AP5S1: variants seen among roughly 807,000 people sequenced by gnomAD.
AP5S1 encodes adaptor related protein complex 5 subunit sigma 1.
Under a neutral mutation model 13.9 loss-of-function variants are expected in AP5S1, and 13 were observed. That is an observed-to-expected ratio of 0.94 (90% confidence interval 0.61 to 1.49). AP5S1 has a LOEUF of 1.49. Among genes scored for constraint, AP5S1 ranks in the 40% most tolerant of loss-of-function variants. The pLI is 0.00. For missense variants in AP5S1, 292 were observed against 272.3 expected (o/e 1.07, Z -0.51); for synonymous variants, 132 against 121.8 (o/e 1.08, Z -0.55).
In AP5S1 at chr20:3,820,850, C is replaced by A. The variant is rs980326245; in HGVS notation, c.-17+92C>A. The A allele has an allele frequency of 3.9e-5, 6 of 152,376 alleles. No individual in the cohort carries two copies. In the South Asian group the frequency reaches 1.2e-3, roughly 32 times the overall value. 9.4% of individuals were successfully genotyped at this position (152,376 alleles called of 1,614,324 possible). Reference sequence around the variant, plus strand: ...CGCTCTGCTGGCGGCTGGAGGGTTGCGGAGGTCAGCAATTGGGTGCTGGGC... The same window carrying A: ...CGCTCTGCTGGCGGCTGGAGGGTTGAGGAGGTCAGCAATTGGGTGCTGGGC... On this transcript the variant is annotated intron_variant, in intron 1 of 2. Transcript: ENST00000615891.
chr20:3,827,152 C>G lies in AP5S1; in HGVS notation c.*2855C>G, dbSNP rs967085643. 1.3e-5 allele frequency: 2 copies of G among 152,230 alleles called. No homozygotes were observed. The highest frequency in any genetic ancestry group is 1.3e-4 in the Admixed American group (2 of 15,272). 9.4% of individuals were successfully genotyped at this position (152,230 alleles called of 1,614,324 possible). ...TGAGAGAACTAGAGACTTTGAGCAG[C>G]TAGTAGTGTTACCAGTGTACCTCCA... is the stretch of plus-strand genomic sequence containing the variant. On this transcript the variant is annotated 3_prime_UTR_variant, in exon 3 of 3. Coordinates refer to ENST00000615891, the MANE Select transcript of AP5S1 (RefSeq NM_018347.3).
rs374677076 is a variant in AP5S1 at position 3,822,155 on chromosome 20, C to T, written c.38C>T (p.Pro13Leu). ...TTCCTCATTCACACCTTGAGGGCCCCGAATACTGAGGACACGGGCCTTTGC... is the reference window on the plus strand; with the variant it reads ...TTCCTCATTCACACCTTGAGGGCCCTGAATACTGAGGACACGGGCCTTTGC... ...HAFLIHTLRA[P>L]NTEDTGLCRV... is the part of the protein sequence containing the mutation. The change falls in exon 2 of 3, where the codon CCG becomes CTG. Residue 13 changes from proline (P) to leucine (L), a missense_variant. Pro to Leu is a moderately conservative substitution (Grantham distance 98). Coordinates refer to ENST00000615891, the MANE Select transcript of AP5S1 (RefSeq NM_018347.3). 14 of 1,613,904 alleles carry T rather than the reference C, an allele frequency of 8.7e-6. No individual in the cohort carries two copies. Among genetic ancestry groups the T allele is most frequent in the African/African-American group, 2.7e-5 (2 of 74,900 alleles).
At position 3,824,529 on chromosome 20, in the gene AP5S1, C is replaced by T. The variant is rs1394509163; in HGVS notation, c.*232C>T. 24 of 567,966 alleles carry T rather than the reference C, an allele frequency of 4.2e-5. No homozygotes were observed. The highest frequency in any genetic ancestry group is 6.4e-5 in the Admixed American group (2 of 31,314). 35.2% of individuals were successfully genotyped at this position (567,966 alleles called of 1,614,324 possible). ...CCTAGAGCTGCTGTGTTACTTAGAC[C>T]GCTGCCGTGCGGCAGCCACGCTTGT... On this transcript the variant is annotated 3_prime_UTR_variant, in exon 3 of 3. Coordinates refer to ENST00000615891, the MANE Select transcript of AP5S1 (RefSeq NM_018347.3).
At chr20:3,821,628 A>T (rs766588433) in intron 1 of AP5S1, among the ~76,000 whole-genome samples, 6 of 151,694 alleles carry the variant, frequency 4.0e-5, no homozygotes, top group Non-Finnish European at 5.9e-5. Context: ...AGACCTCCCA[A>T]GGTGCTGGGA....
Position 3,821,645 on chromosome 20 carries a change from G to A in AP5S1, c.-16-457G>A, listed in dbSNP as rs1020917350. Among the ~76,000 whole-genome samples the A allele has an allele frequency of 3.3e-5, 5 of 152,070 alleles. No individual in the cohort carries two copies. The South Asian group carries it at 8.3e-4, about 25-fold the overall frequency. Reference sequence around the variant, plus strand: ...ACCTCCCAAGGTGCTGGGATTACAGGCGTGAGTCACCACACCTGGCCCAAA... The same window carrying A: ...ACCTCCCAAGGTGCTGGGATTACAGACGTGAGTCACCACACCTGGCCCAAA... On this transcript the variant is annotated intron_variant, in intron 1 of 2. Coordinates refer to ENST00000615891, the MANE Select transcript of AP5S1 (RefSeq NM_018347.3).
rs2146732915 is a variant in AP5S1 at position 3,824,263 on chromosome 20, T to C, written c.569T>C (p.Leu190Pro). Residue 190 changes from leucine to proline, a missense_variant, in exon 3 of 3, where the codon CTG becomes CCG. Coordinates refer to ENST00000615891, the MANE Select transcript of AP5S1 (RefSeq NM_018347.3). The part of the protein sequence containing the change: ...LFLNDQFVQG[L>P]EKEFSAAWPR The stretch of plus-strand genomic sequence containing the variant: ...CTCAACGACCAGTTTGTCCAAGGCC[T>C]GGAGAAGGAATTCAGTGCCGCTTGG... 6.2e-7 allele frequency: 1 copy of C among 1,614,040 alleles called. No individual in the cohort carries two copies. The highest frequency in any genetic ancestry group is 2.2e-5 in the East Asian group (1 of 44,878).
chr20:3,821,878 C>CTTTTTTTT (rs760765518), intron 1 of AP5S1: 2 of 679,964 alleles, frequency 2.9e-6, no homozygotes, highest in Admixed American at 7.2e-5. Context: ...TTTCTTTTTT[C>CTTTTTTTT]TTTTTTTTTT....
Position 3,823,512 on chromosome 20 carries a change from A to G in AP5S1, c.177-359A>G, listed in dbSNP as rs992096520. ...GTGATCCGCCCGCCTCGGCCTCCCA[A>G]AGTGCTGGGATTACAGGCTTGAGCC... On this transcript the variant is annotated intron_variant, in intron 2 of 2. Coordinates refer to ENST00000615891, the MANE Select transcript of AP5S1 (RefSeq NM_018347.3). The G allele has an allele frequency of 1.3e-5, 13 of 983,132 alleles. No homozygotes were observed. The African/African-American group carries it at 2.3e-4, about 17-fold the overall frequency. 60.9% of individuals were successfully genotyped at this position (983,132 alleles called of 1,614,324 possible).
Position 3,827,092 on chromosome 20 carries a change from G to A in AP5S1, c.*2795G>A, listed in dbSNP as rs1198623491. On this transcript the variant is annotated 3_prime_UTR_variant, in exon 3 of 3. Transcript: ENST00000615891. ...TCTTCCCTTTCTTCTCCCTGCCCCA[G>A]GAACCCTGGCCAAACCACATATCCC... 2 of 152,234 alleles carry A rather than the reference G, an allele frequency of 1.3e-5. No individual in the cohort carries two copies. Among genetic ancestry groups the A allele is most frequent in the East Asian group, 1.9e-4 (1 of 5,196 alleles). The allele number at this position is 152,234 out of a possible 1,614,324, so 9.4% of individuals were successfully genotyped here. A position where few individuals can be genotyped will look rare whatever the true frequency, so the allele number is the denominator to read the frequency against.
Position 3,824,385 on chromosome 20 carries a change from T to G in AP5S1, c.*88T>G, listed in dbSNP as rs1252559332. 2 of 1,314,236 alleles carry G rather than the reference T, an allele frequency of 1.5e-6. No individual in the cohort carries two copies. The highest frequency in any genetic ancestry group is 2.1e-6 in the Non-Finnish European group (2 of 947,410). 81.4% of individuals were successfully genotyped at this position (1,314,236 alleles called of 1,614,324 possible). A position where few individuals can be genotyped will look rare whatever the true frequency, so the allele number is the denominator to read the frequency against. On this transcript the variant is annotated 3_prime_UTR_variant, in exon 3 of 3. Transcript: ENST00000615891. ...TGGCATCTCCCTCCTACCCAGCAGCTCTGATGTGCTGCTATACCAGGACAA... is the reference window on the plus strand; with the variant it reads ...TGGCATCTCCCTCCTACCCAGCAGCGCTGATGTGCTGCTATACCAGGACAA...
Position 3,822,250 on chromosome 20 carries a change from A to T in AP5S1, c.133A>T (p.Arg45Trp). ...TGACCCACGGCCGCATGGTGCCGAG[A>T]GGGACAGGCTTCTCCGGAAGGAACA... ...PDDPRPHGAE[R>W]DRLLRKEQIL... The change falls in exon 2 of 3, where the codon AGG becomes TGG. Residue 45 changes from arginine to tryptophan, a missense_variant. Transcript: ENST00000615891. 6.2e-7 allele frequency: 1 copy of T among 1,614,148 alleles called. No homozygotes were observed. Among genetic ancestry groups the T allele is most frequent in the Non-Finnish European group, 8.5e-7 (1 of 1,180,016 alleles).
intron 1 of AP5S1, chr20:3,821,878 CTT>C (rs760765518): frequency 0.016 from 12,334 of 783,240 alleles, no homozygotes; most frequent in Non-Finnish European, 0.017. Flanking sequence ...TTTCTTTTTT[CTT>C]TTTTTTTTTT....
rs1193550318 is a variant in AP5S1, at chr20:3,824,527, A to T, written c.*230A>T. On this transcript the variant is annotated 3_prime_UTR_variant, in exon 3 of 3. Coordinates refer to ENST00000615891, the MANE Select transcript of AP5S1 (RefSeq NM_018347.3). ...AGCCTAGAGCTGCTGTGTTACTTAG[A>T]CCGCTGCCGTGCGGCAGCCACGCTT... The T allele has an allele frequency of 3.5e-6, 2 of 567,786 alleles. No homozygotes were observed. The highest frequency in any genetic ancestry group is 6.2e-6 in the Non-Finnish European group (2 of 321,760). The allele number at this position is 567,786 out of a possible 1,614,324, so 35.2% of individuals were successfully genotyped here. A position where few individuals can be genotyped will look rare whatever the true frequency, so the allele number is the denominator to read the frequency against.
chr20:3,824,219 A>T lies in AP5S1; in HGVS notation c.525A>T (p.Pro175=), dbSNP rs1370767508. ...AGGGCATCCTCACCCGCTTCCTGCC[A>T]CATGGTCAGCTGCTTTTCCTCAACG... ...RIEGILTRFL[P]HGQLLFLNDQ... is the part of the protein sequence containing the mutation. Residue 175 remains proline, a synonymous_variant, in exon 3 of 3, where the codon CCA becomes CCT. Transcript: ENST00000615891. The T allele has an allele frequency of 1.9e-6, 3 of 1,614,114 alleles. No individual in the cohort carries two copies. The African/African-American group carries it at 4.0e-5, about 22-fold the overall frequency.
intron 2 of AP5S1, 91 bp from the exon 3 acceptor site, chr20:3,823,780 G>A: frequency 6.5e-7 from 1 of 1,527,994 alleles, no homozygotes; most frequent in East Asian, 2.3e-5. Flanking sequence ...TGAGATATGG[G>A]GATGATGGTA....
At position 3,824,740 on chromosome 20, in the gene AP5S1, C is replaced by G. The variant is rs2089612876; in HGVS notation, c.*443C>G. The G allele has an allele frequency of 6.1e-6, 1 of 165,116 alleles. No individual in the cohort carries two copies. Among genetic ancestry groups the G allele is most frequent in the Non-Finnish European group, 1.3e-5 (1 of 76,648 alleles). The allele number at this position is 165,116 out of a possible 1,614,324, so 10.2% of individuals were successfully genotyped here. The stretch of plus-strand genomic sequence containing the variant: ...CTCAGGTCGGGAGTTCAAGACCAGC[C>G]TGGCCAACATAGTGAAACCCCATCT... On this transcript the variant is annotated 3_prime_UTR_variant, in exon 3 of 3. Transcript: ENST00000615891.
chr20:3,822,665 A>T (rs185348809), intron 2 of AP5S1, among the ~76,000 whole-genome samples: 90 of 152,288 alleles, frequency 5.9e-4, no homozygotes, highest in African/African-American at 2.0e-3. Context: ...GAGGAATTTA[A>T]CCTGTCCAAG....
chr20:3,824,026 C>T lies in AP5S1; in HGVS notation c.332C>T (p.Thr111Met), dbSNP rs763102207. ...GAGAACCCTTTCCAGGAGCCACGGA[C>T]GGTGGTGTGGCTGGGCGTGCTCTCG... ...AAENPFQEPR[T>M]VVWLGVLSLG... Residue 111 changes from threonine (T) to methionine (M), a missense_variant, in exon 3 of 3, where the codon ACG becomes ATG. Physicochemically the swap from Thr to Met is moderately conservative, Grantham distance 81. Coordinates refer to ENST00000615891, the MANE Select transcript of AP5S1 (RefSeq NM_018347.3). The T allele has an allele frequency of 1.5e-5, 25 of 1,613,620 alleles. No individual in the cohort carries two copies. Among genetic ancestry groups the T allele is most frequent in the South Asian group, 1.2e-4 (11 of 91,092 alleles).
intron 1 of AP5S1, among the ~76,000 whole-genome samples, chr20:3,821,520 C>G (rs541850288): frequency 6.6e-6 from 1 of 152,020 alleles, no homozygotes; most frequent in Non-Finnish European, 1.5e-5. Context: ...TACAACCATG[C>G]GCCACCATGC....
Sources: gnomAD v4.1 joint callset for allele counts (sites outside exome capture counted in the v4.1 genomes callset) on GRCh38, gnomAD v4.1.1 for gene constraint, MANE v1.5 for transcripts, NCBI Gene and HGNC (gene_info 2026-07-23, HGNC 2026-07-21) for gene names.